DLGAP1: variants seen among roughly 807,000 people sequenced by gnomAD.
The protein encoded by DLGAP1 is disks large-associated protein 1.
DLGAP1 carries 11 observed loss-of-function variants against 90.8 expected under a neutral mutation model. The ratio of observed to expected loss-of-function variants is 0.12; its 90% CI spans 0.08 to 0.20. The LOEUF is 0.20. Ranked by LOEUF, DLGAP1 falls within the 10% of genes least tolerant of loss-of-function variation. The pLI is 1.00. For missense variants in DLGAP1, 1,050 were observed against 1,333.8 expected, an observed-to-expected ratio of 0.79 and a Z score of 3.31; for synonymous variants, 558 against 540.7, an observed-to-expected ratio of 1.03 and a Z score of -0.44.
chr18:3,845,188 C>T (rs761957791), intron 4 of DLGAP1: 102 of 1,603,014 alleles, frequency 6.4e-5, no homozygotes, highest in South Asian at 1.4e-4. Context: ...CACAAAGAAA[C>T]GATTTATTTT....
At chr18:3,779,933 C>T (rs569154900) in intron 5 of DLGAP1, among the ~76,000 whole-genome samples, 8 of 151,984 alleles carry the variant, frequency 5.3e-5, no homozygotes, top group African/African-American at 1.4e-4. Flanking sequence ...GGGAGGCGCA[C>T]GCCACCACGT....
chr18:3,742,586 G>A (rs1670261329), intron 5 of DLGAP1, 74 bp from the exon 6 acceptor site: 1 of 1,535,974 alleles, frequency 6.5e-7, no homozygotes, highest in Non-Finnish European at 8.9e-7. Flanking sequence ...TGGCACTATT[G>A]TCATTTATGT....
Position 3,930,274 on chromosome 18 carries a change from T to A in DLGAP1, c.-72-50134A>T, listed in dbSNP as rs551536051. Among the ~76,000 whole-genome samples the A allele has an allele frequency of 7.0e-4, 106 of 152,328 alleles. 2 individuals are homozygous for A. The highest frequency in any genetic ancestry group is 2.4e-3 in the African/African-American group (100 of 41,576). ...AACTCAGTTTTCATGAAAACAACCC[T>A]AAGTACAAGTTGCTGAGTAGTTGCC... On this transcript the variant is annotated intron_variant, in intron 3 of 12. Coordinates refer to ENST00000315677, the MANE Select transcript of DLGAP1 (RefSeq NM_004746.4).
At chr18:3,521,838 T>C (rs950931951) in intron 10 of DLGAP1, among the ~76,000 whole-genome samples, 1 of 152,214 alleles carries the variant, frequency 6.6e-6, no homozygotes, top group Non-Finnish European at 1.5e-5. Context: ...AGATTCTATA[T>C]CAACCAGAAA....
At chr18:4,358,457 C>T (rs2081568490) in intron 1 of DLGAP1, among the ~76,000 whole-genome samples, 1 of 152,076 alleles carries the variant, frequency 6.6e-6, no homozygotes, top group Admixed American at 6.6e-5. Context: ...AGAAAGAAGG[C>T]CAGTGTGTGT....
intron 1 of DLGAP1, among the ~76,000 whole-genome samples, chr18:4,359,189 C>T (rs1027603883): frequency 1.7e-4 from 26 of 152,132 alleles, no homozygotes; most frequent in African/African-American, 4.8e-4. Context: ...GACATGCTAC[C>T]GTAAAATATG....
intron 1 of DLGAP1, among the ~76,000 whole-genome samples, chr18:4,248,035 C>T (rs748214451): frequency 5.9e-5 from 9 of 151,974 alleles, no homozygotes; most frequent in Non-Finnish European, 8.8e-5. Flanking sequence ...GCATTTGGTG[C>T]GAGAGATGAA....
intron 1 of DLGAP1, among the ~76,000 whole-genome samples, chr18:4,199,849 A>G (rs2077575212): frequency 6.6e-6 from 1 of 152,190 alleles, no homozygotes; most frequent in South Asian, 2.1e-4. Context: ...TTCCCCCAAG[A>G]GCTTTACAGA....
chr18:4,098,007 G>A (rs73384763), intron 2 of DLGAP1, among the ~76,000 whole-genome samples: 5,248 of 152,240 alleles, frequency 0.034, 322 homozygotes, highest in African/African-American at 0.12. Flanking sequence ...TTGATCTCTG[G>A]GACTCAATCG....
At chr18:3,714,639 GTTTTT>G (rs869196557) in intron 7 of DLGAP1, among the ~76,000 whole-genome samples, 1 of 93,050 alleles carries the variant, frequency 1.1e-5, no homozygotes, top group Non-Finnish European at 2.1e-5. Context: ...TGATTACGTG[GTTTTT>G]TTTTTTTTTT....
chr18:3,801,852 C>A (rs1310569094), intron 5 of DLGAP1, among the ~76,000 whole-genome samples: 1 of 152,226 alleles, frequency 6.6e-6, no homozygotes, highest in East Asian at 1.9e-4. Context: ...TAGAAGATAT[C>A]CTTCCATACA....
At chr18:4,308,025 T>C (rs1387215727) in intron 1 of DLGAP1, among the ~76,000 whole-genome samples, 1 of 152,114 alleles carries the variant, frequency 6.6e-6, no homozygotes, top group Non-Finnish European at 1.5e-5. Context: ...GAGGGTTTGC[T>C]TTATACCTGT....
At position 3,814,161 on chromosome 18, in the gene DLGAP1, C is replaced by G; in HGVS notation, c.1070G>C (p.Gly357Ala). ...YIKAMGDEDS[G>A]DSDTSPKPSP... Reference sequence around the variant, plus strand: ...AGGCTTAGGACTCGTGTCTGAGTCTCCACTGTCTTCATCCCCCATGGCCTT... The same window carrying G: ...AGGCTTAGGACTCGTGTCTGAGTCTGCACTGTCTTCATCCCCCATGGCCTT... The change falls in exon 5 of 13, where the codon GGA (glycine) becomes GCA (alanine). Residue 357 changes from glycine (G) to alanine (A), a missense_variant. Gly to Ala is a moderately conservative substitution (Grantham distance 60, BLOSUM62 0). Transcript: ENST00000315677. The G allele has an allele frequency of 6.2e-7, 1 of 1,614,080 alleles. No individual in the cohort carries two copies. Among genetic ancestry groups the G allele is most frequent in the Admixed American group, 1.7e-5 (1 of 60,016 alleles).
In DLGAP1 at chr18:4,250,525, C is replaced by T. The variant is rs190525204; in HGVS notation, c.-266-99238G>A. 3.0e-3 allele frequency among the ~76,000 whole-genome samples: 451 copies of T among 152,236 alleles called. 3 individuals are homozygous for T. The highest frequency in any genetic ancestry group is 5.4e-3 in the Admixed American group (82 of 15,290). ...CGTGTTTCATTAAGTTCCTGAGGAG[C>T]TAATTTTTATTTCCAGCTCAGGAAC... On this transcript the variant is annotated intron_variant, in intron 1 of 12. Transcript: ENST00000315677.
intron 4 of DLGAP1, among the ~76,000 whole-genome samples, chr18:3,867,723 C>G (rs2070487490): frequency 6.6e-6 from 1 of 151,992 alleles, no homozygotes; most frequent in Non-Finnish European, 1.5e-5. Flanking sequence ...GATGGAAAGG[C>G]TACAGGAATT....
At chr18:4,004,831 C>T (rs143635711) in intron 3 of DLGAP1, among the ~76,000 whole-genome samples, 15 of 151,914 alleles carry the variant, frequency 9.9e-5, no homozygotes, top group Admixed American at 5.2e-4. Context: ...TTGACATTTT[C>T]GGCACAGGCA....
intron 5 of DLGAP1, among the ~76,000 whole-genome samples, chr18:3,804,465 G>C (rs2066474921): frequency 6.6e-6 from 1 of 152,132 alleles, no homozygotes; most frequent in Non-Finnish European, 1.5e-5. Flanking sequence ...AACAATACTA[G>C]GGATGGCTGC....
Position 3,499,032 on chromosome 18 carries a change from G to A in DLGAP1, c.*153C>T, listed in dbSNP as rs2143541122. On this transcript the variant is annotated 3_prime_UTR_variant, in exon 13 of 13. Coordinates refer to ENST00000315677, the MANE Select transcript of DLGAP1 (RefSeq NM_004746.4). This position sits in a 1 kb window ranked among gnomAD's most constrained non-coding sequence, Gnocchi z 6.4. ...GTGGGGGGCTGAGGGGGGCCCGGGG[G>A]GCGGCTCCTGCGAGGTGGACAACTA... 1 of 652,382 alleles carries A rather than the reference G, an allele frequency of 1.5e-6. No homozygotes were observed. The highest frequency in any genetic ancestry group is 2.1e-5 in the South Asian group (1 of 47,358). The allele number at this position is 652,382 out of a possible 1,614,324, so 40.4% of individuals were successfully genotyped here.
At chr18:4,071,797 T>C (rs1366444658) in intron 2 of DLGAP1, among the ~76,000 whole-genome samples, 1 of 152,168 alleles carries the variant, frequency 6.6e-6, no homozygotes, top group African/African-American at 2.4e-5. Flanking sequence ...CAGCCTGTCA[T>C]TATGATTTTC....
Sources: allele counts gnomAD v4.1 joint callset (sites outside exome capture counted in the v4.1 genomes callset), GRCh38; gene constraint gnomAD v4.1.1; non-coding constraint Gnocchi (gnomAD v3.1); transcripts MANE v1.5; gene names NCBI Gene and HGNC (gene_info 2026-07-23, HGNC 2026-07-21).